Variants in CERS6 observed in about 807,000 individuals in gnomAD.
CERS6 encodes the protein ceramide synthase 6, also known as LAG1 homolog, ceramide synthase 6.
CERS6 carries 26 observed loss-of-function variants against 56.8 expected under a neutral mutation model. The ratio of observed to expected loss-of-function variants is 0.46; its 90% confidence interval spans 0.34 to 0.63. CERS6 has a LOEUF of 0.63. Among genes scored for constraint, CERS6 ranks in the 30% least tolerant of loss-of-function variants. The pLI, the probability that CERS6 is intolerant of heterozygous loss-of-function variation, is 0.01. For synonymous variants in CERS6, 164 were observed against 173.3 expected (o/e 0.95, Z 0.42); for missense variants, 415 against 467.5 (o/e 0.89, Z 1.04).
intron 5 of CERS6, 80 bp from the exon 6 acceptor site, chr2:168,694,879 C>A: frequency 9.5e-7 from 1 of 1,050,166 alleles, no homozygotes; most frequent in Non-Finnish European, 1.5e-6. Context: ...TACTTTTGAG[C>A]AGTGAGCTTG....
chr2:168,547,088 A>G (rs1371055135), intron 1 of CERS6, among the ~76,000 whole-genome samples: 1 of 152,260 alleles, frequency 6.6e-6, no homozygotes, highest in Non-Finnish European at 1.5e-5. Flanking sequence ...GAGAATTTTA[A>G]GAAGCCATGA....
intron 4 of CERS6, chr2:168,644,332 A>G: frequency 1.0e-6 from 1 of 985,180 alleles, no homozygotes; most frequent in South Asian, 4.7e-5. Context: ...GTAAGTCTGG[A>G]ATGTGGGAAG....
At chr2:168,602,855 A>G (rs931916092) in intron 3 of CERS6, among the ~76,000 whole-genome samples, 11 of 152,220 alleles carry the variant, frequency 7.2e-5, no homozygotes, top group Admixed American at 2.0e-4. Context: ...TCACCATTCA[A>G]AAATACAGGT....
chr2:168,698,588 C>A (rs879420377), intron 6 of CERS6, among the ~76,000 whole-genome samples: 2 of 152,140 alleles, frequency 1.3e-5, no homozygotes, highest in Admixed American at 1.3e-4. Context: ...GATCCAATCA[C>A]CTCCCACCAG....
At chr2:168,589,940 C>G (rs756020210) in intron 3 of CERS6, among the ~76,000 whole-genome samples, 1 of 152,080 alleles carries the variant, frequency 6.6e-6, no homozygotes, top group Non-Finnish European at 1.5e-5. Context: ...ATGTTTGAGC[C>G]TCGACTGAAA....
chr2:168,474,606 A>AG (rs1302648427), intron 1 of CERS6, among the ~76,000 whole-genome samples: 3 of 152,042 alleles, frequency 2.0e-5, no homozygotes, highest in Non-Finnish European at 4.4e-5. Flanking sequence ...GATGCTGGTT[A>AG]GGAAGGAAAT....
rs78373718 is a variant in CERS6 at position 168,583,573 on chromosome 2, C to A, written c.407+22251C>A. On this transcript the variant is annotated intron_variant, in intron 3 of 9. Transcript: ENST00000305747. Reference sequence around the variant, plus strand: ...TGGCCTCCCTGGGTCTTAGACCAAACCAGTCATTAGGCTTTTAGAGAATAA... The same window carrying A: ...TGGCCTCCCTGGGTCTTAGACCAAAACAGTCATTAGGCTTTTAGAGAATAA... Among the ~76,000 whole-genome samples the A allele has an allele frequency of 3.7e-3, 571 of 152,328 alleles. 30 individuals carry two copies. The East Asian group carries it at 0.092, about 24-fold the overall frequency.
intron 3 of CERS6, among the ~76,000 whole-genome samples, chr2:168,562,648 T>A (rs562039393): frequency 6.6e-6 from 1 of 152,330 alleles, no homozygotes; most frequent in South Asian, 2.1e-4. Flanking sequence ...GCTGCAAACA[T>A]GTCTCGCCTC....
chr2:168,769,745 T>C lies in CERS6; in HGVS notation c.*83T>C. ...TAAGTTGCAAATGCAGTTCCTTTCA[T>C]AATATCTCAGCACCAGAAACAAAAA... On this transcript the variant is annotated 3_prime_UTR_variant, in exon 10 of 10. Coordinates refer to ENST00000305747, the MANE Select transcript of CERS6 (RefSeq NM_203463.3). 7.0e-7 allele frequency: 1 copy of C among 1,429,984 alleles called. No homozygotes were observed. Among genetic ancestry groups the C allele is most frequent in the South Asian group, 1.2e-5 (1 of 81,842 alleles). The allele number at this position is 1,429,984 out of a possible 1,614,324, so 88.6% of individuals were successfully genotyped here.
At chr2:168,595,301 G>A (rs1683772617) in intron 3 of CERS6, among the ~76,000 whole-genome samples, 1 of 152,234 alleles carries the variant, frequency 6.6e-6, no homozygotes, top group African/African-American at 2.4e-5. Flanking sequence ...ATGGTGAGAT[G>A]TTTGGGAGAA....
chr2:168,550,576 C>G (rs965526576), intron 2 of CERS6, among the ~76,000 whole-genome samples: 1 of 152,216 alleles, frequency 6.6e-6, no homozygotes, highest in Non-Finnish European at 1.5e-5. Context: ...GGGGCCCCAC[C>G]CTGTGACTTA....
intron 6 of CERS6, among the ~76,000 whole-genome samples, chr2:168,701,246 A>G (rs1421351429): frequency 6.6e-6 from 1 of 152,204 alleles, no homozygotes; most frequent in Non-Finnish European, 1.5e-5. Context: ...ATCTTAGCTT[A>G]TCCTGACTGG....
chr2:168,481,137 C>T (rs561654124), intron 1 of CERS6, among the ~76,000 whole-genome samples: 12 of 152,236 alleles, frequency 7.9e-5, no homozygotes, highest in African/African-American at 1.9e-4. Context: ...CCAGGCTGGC[C>T]GGGCGCAGTG....
chr2:168,648,155 G>A (rs1002569772), intron 4 of CERS6, among the ~76,000 whole-genome samples: 1 of 152,068 alleles, frequency 6.6e-6, no homozygotes, highest in African/African-American at 2.4e-5. Flanking sequence ...GCTTTTTGTT[G>A]TTGTTGTTGG....
At chr2:168,607,678 C>G (rs80100767) in intron 3 of CERS6, among the ~76,000 whole-genome samples, 1 of 152,034 alleles carries the variant, frequency 6.6e-6, no homozygotes, top group Non-Finnish European at 1.5e-5. Flanking sequence ...CTGTGCCAGG[C>G]CAAAACTAGT....
chr2:168,614,096 TG>T (rs1175619111), intron 3 of CERS6, among the ~76,000 whole-genome samples: 1 of 152,246 alleles, frequency 6.6e-6, no homozygotes, highest in African/African-American at 2.4e-5. Context: ...AGGCTGATTA[TG>T]GCCCCTTCAC....
intron 4 of CERS6, among the ~76,000 whole-genome samples, chr2:168,675,302 A>G (rs1686029433): frequency 6.6e-6 from 1 of 151,954 alleles, no homozygotes; most frequent in African/African-American, 2.4e-5. Context: ...TAACAACAAT[A>G]GGCCGGGCAT....
intron 4 of CERS6, among the ~76,000 whole-genome samples, chr2:168,669,222 G>A (rs1685846516): frequency 6.6e-6 from 1 of 152,108 alleles, no homozygotes. Flanking sequence ...ATTATTTCCT[G>A]GTGCAAGATG....
At chr2:168,500,789 G>T (rs1177554130) in intron 1 of CERS6, among the ~76,000 whole-genome samples, 1 of 152,228 alleles carries the variant, frequency 6.6e-6, no homozygotes, top group Non-Finnish European at 1.5e-5. Flanking sequence ...AAATAACAGT[G>T]TCCTCAGAGA....
Sources: allele counts gnomAD v4.1 joint callset (sites outside exome capture counted in the v4.1 genomes callset), GRCh38; gene constraint gnomAD v4.1.1; transcripts MANE v1.5; gene names NCBI Gene and HGNC (gene_info 2026-07-23, HGNC 2026-07-21).